Variants in CRADD observed in about 807,000 individuals in gnomAD.
The protein encoded by CRADD is CARD and death domain containing adaptor protein.
Under a neutral mutation model 15.5 loss-of-function variants are expected in CRADD, and 9 were observed. That is an observed-to-expected ratio of 0.58 (90% CI 0.35 to 1.01). CRADD has a LOEUF of 1.01. CRADD is among the 50% of genes least tolerant of loss of function. The pLI, the probability that CRADD is intolerant of heterozygous loss-of-function variation, is 0.02. For missense variants in CRADD, 227 were observed against 250.3 expected (o/e 0.91, Z 0.63); for synonymous variants, 118 against 107.6 (o/e 1.10, Z -0.60).
At chr12:93,805,625 G>A (rs993873782) in intron 2 of CRADD, among the ~76,000 whole-genome samples, 4 of 151,906 alleles carry the variant, frequency 2.6e-5, no homozygotes, top group Admixed American at 6.6e-5. Flanking sequence ...GCTAACTAAC[G>A]TAGGAAACCC....
At chr12:93,760,035 G>A (rs954877730) in intron 2 of CRADD, among the ~76,000 whole-genome samples, 7 of 152,144 alleles carry the variant, frequency 4.6e-5, no homozygotes, top group Non-Finnish European at 8.8e-5. Context: ...AACCCAGCCC[G>A]CAGAGACATG....
chr12:93,864,716 G>C (rs1196170153), intron 2 of CRADD, among the ~76,000 whole-genome samples: 2 of 152,196 alleles, frequency 1.3e-5, no homozygotes, highest in African/African-American at 4.8e-5. Context: ...AGGTCTCAGT[G>C]AATGAAGGAA....
In CRADD at chr12:93,792,195, C is replaced by A. The variant is rs1245283854; in HGVS notation, c.299-57775C>A. 2.6e-5 allele frequency among the ~76,000 whole-genome samples: 4 copies of A among 152,022 alleles called. No individual in the cohort carries two copies. In the East Asian group the frequency reaches 7.7e-4, roughly 29 times the overall value. ...TAGAATGTCTTAGGGGAGAACTGGC[C>A]TGCTAAGTATTACAGGGGAGGACTC... On this transcript the variant is annotated intron_variant, in intron 2 of 2. Transcript: ENST00000332896.
chr12:93,843,555 T>A (rs1374908023), intron 2 of CRADD, among the ~76,000 whole-genome samples: 2 of 151,616 alleles, frequency 1.3e-5, no homozygotes, highest in African/African-American at 4.8e-5. Flanking sequence ...AATTTTTGTA[T>A]TTTTAGCAGA....
intron 2 of CRADD, among the ~76,000 whole-genome samples, chr12:93,753,957 C>T (rs797018395): frequency 3.4e-4 from 52 of 152,232 alleles, no homozygotes; most frequent in African/African-American, 1.2e-3. Flanking sequence ...GGGCTCCAAC[C>T]CCACATTTTC....
At chr12:93,785,734 A>AGTAG (rs1957271357) in intron 2 of CRADD, among the ~76,000 whole-genome samples, 1 of 152,232 alleles carries the variant, frequency 6.6e-6, no homozygotes, top group Non-Finnish European at 1.5e-5. Context: ...CCTACTTCAC[A>AGTAG]GGCCATTAAA....
intron 2 of CRADD, among the ~76,000 whole-genome samples, chr12:93,729,177 ACT>A (rs1220272040): frequency 6.6e-6 from 1 of 151,952 alleles, no homozygotes; most frequent in Admixed American, 6.6e-5. Context: ...AAAACAAAAG[ACT>A]CTGTTTTCAG....
chr12:93,756,898 G>A (rs1956896727), intron 2 of CRADD, among the ~76,000 whole-genome samples: 1 of 152,118 alleles, frequency 6.6e-6, no homozygotes, highest in South Asian at 2.1e-4. Context: ...CAGGTGGGAA[G>A]TCTTGAGCAC....
intron 2 of CRADD, among the ~76,000 whole-genome samples, chr12:93,884,076 C>T (rs1056783853): frequency 2.0e-5 from 3 of 152,112 alleles, no homozygotes; most frequent in South Asian, 2.1e-4. Flanking sequence ...AACCCTGGTA[C>T]GGGTGAGAGG....
chr12:93,726,271 T>A (rs1345340864), intron 2 of CRADD, among the ~76,000 whole-genome samples: 1 of 151,942 alleles, frequency 6.6e-6, no homozygotes, highest in Non-Finnish European at 1.5e-5. Flanking sequence ...GCCCAGCTAA[T>A]TTTTGTATTT....
exon 3 of CRADD, chr12:93,894,580 G>A (rs1958599429): frequency 8.2e-5 from 13 of 158,378 alleles, no homozygotes; most frequent in Admixed American, 6.7e-4. Context: ...CTGACTGCGG[G>A]ACATGCGGTG....
At chr12:93,792,906 A>G (rs191792266) in intron 2 of CRADD, among the ~76,000 whole-genome samples, 58 of 152,346 alleles carry the variant, frequency 3.8e-4, no homozygotes, top group Non-Finnish European at 7.2e-4. Context: ...CTGAATCCAC[A>G]GAAAATGTTA....
intron 2 of CRADD, among the ~76,000 whole-genome samples, chr12:93,843,232 T>C (rs1250629854): frequency 6.6e-6 from 1 of 152,180 alleles, no homozygotes; most frequent in Admixed American, 6.5e-5. Context: ...GTACAGCACA[T>C]TGCCTGCCTA....
At chr12:93,711,055 C>CCCTTTTT in intron 2 of CRADD, among the ~76,000 whole-genome samples, 11 of 43,508 alleles carry the variant, frequency 2.5e-4, no homozygotes, top group South Asian at 1.3e-3. Flanking sequence ...CCACCCCCGC[C>CCCTTTTT]TTTTTTTTTT....
chr12:93,799,800 G>A (rs1333672739), intron 2 of CRADD, among the ~76,000 whole-genome samples: 3 of 152,148 alleles, frequency 2.0e-5, no homozygotes, highest in African/African-American at 7.2e-5. Flanking sequence ...TGATAGAGTA[G>A]TAATTGCAGC....
chr12:93,715,125 G>A (rs1020703019), intron 2 of CRADD, among the ~76,000 whole-genome samples: 20 of 152,134 alleles, frequency 1.3e-4, no homozygotes, highest in African/African-American at 4.6e-4. Flanking sequence ...AGCCTTGGAT[G>A]AGTTTTATTA....
intron 2 of CRADD, among the ~76,000 whole-genome samples, chr12:93,818,797 G>C (rs902348539): frequency 6.6e-6 from 1 of 152,166 alleles, no homozygotes; most frequent in Non-Finnish European, 1.5e-5. Flanking sequence ...GGGAGACTCT[G>C]TCCCTGAGAA....
rs116032976 is a variant in CRADD, at chr12:93,728,278, A to G, written c.298+49206A>G. ...AATATGGTAGCACAGGCATGAATAG[A>G]GTTGAAATTATCAGAGTGATTATAA... On this transcript the variant is annotated intron_variant, in intron 2 of 2. Coordinates refer to ENST00000332896, the MANE Select transcript of CRADD (RefSeq NM_003805.5). Among the ~76,000 whole-genome samples, 679 of 152,362 alleles carry G rather than the reference A, an allele frequency of 4.5e-3. 7 individuals carry two copies. The highest frequency in any genetic ancestry group is 0.016 in the African/African-American group (649 of 41,580).
At chr12:93,746,041 A>G (rs1956744000) in intron 2 of CRADD, among the ~76,000 whole-genome samples, 1 of 152,234 alleles carries the variant, frequency 6.6e-6, no homozygotes, top group Non-Finnish European at 1.5e-5. Flanking sequence ...GCTAGGATGA[A>G]TAGGGTTAGG....
Sources: allele counts gnomAD v4.1 joint callset (sites outside exome capture counted in the v4.1 genomes callset), GRCh38; gene constraint gnomAD v4.1.1; transcripts MANE v1.5; gene names NCBI Gene and HGNC (gene_info 2026-07-23, HGNC 2026-07-21).